Variants in RIMBP2 observed in about 807,000 individuals in gnomAD.
The protein encoded by RIMBP2 is RIMS binding protein 2.
A neutral mutation model predicts 118.6 loss-of-function variants in RIMBP2; 48 were observed. That is an observed-to-expected ratio of 0.40 (90% confidence interval 0.32 to 0.51). RIMBP2 has a LOEUF of 0.51. Among genes scored for constraint, RIMBP2 ranks in the 20% least tolerant of loss-of-function variants. The pLI, the probability that RIMBP2 is intolerant of heterozygous loss-of-function variation, is 0.41. For missense variants in RIMBP2, 1,551 were observed against 1,768.3 expected (o/e 0.88, Z 2.20); for synonymous variants, 762 against 742.9 (o/e 1.03, Z -0.42).
intron 4 of RIMBP2, 126 bp from the exon 5 acceptor site, chr12:130,479,142 C>T: frequency 1.6e-6 from 1 of 615,888 alleles, no homozygotes; most frequent in South Asian, 2.7e-5. Flanking sequence ...CACCGCCCCA[C>T]AGGGCACCCA....
At chr12:130,483,367 C>A (rs376127145) in intron 4 of RIMBP2, among the ~76,000 whole-genome samples, 1 of 152,152 alleles carries the variant, frequency 6.6e-6, no homozygotes, top group Non-Finnish European at 1.5e-5. Flanking sequence ...TCCACAAATG[C>A]ACGCACCTAC....
chr12:130,688,843 C>T lies in RIMBP2; in HGVS notation c.-352+27379G>A, dbSNP rs1275913878. ...TGAAACGTTTCGAACCAAGTCTAAA[C>T]TCTGCAAAACGCTGGCTGAAACGTG... On this transcript the variant is annotated intron_variant, in intron 1 of 22. Coordinates refer to ENST00000690449, the MANE Select transcript of RIMBP2 (RefSeq NM_001393629.1). This position sits in a 1 kb window ranked among gnomAD's most constrained non-coding sequence, Gnocchi z 4.7. Among the ~76,000 whole-genome samples the T allele has an allele frequency of 6.6e-6, 1 of 152,272 alleles. No homozygotes were observed.
intron 1 of RIMBP2, among the ~76,000 whole-genome samples, chr12:130,697,246 G>A (rs2065620237): frequency 6.6e-6 from 1 of 152,232 alleles, no homozygotes; most frequent in Admixed American, 6.5e-5. Context: ...ATGTGGCCAG[G>A]TGCAGAGGCT....
intron 6 of RIMBP2, among the ~76,000 whole-genome samples, chr12:130,467,914 C>G (rs1470226147): frequency 6.6e-6 from 1 of 152,198 alleles, no homozygotes; most frequent in Non-Finnish European, 1.5e-5. Context: ...TCTCAGACAC[C>G]TTTGGTTCTC....
intron 2 of RIMBP2, among the ~76,000 whole-genome samples, chr12:130,522,410 G>A (rs1206811605): frequency 2.0e-5 from 3 of 152,188 alleles, no homozygotes; most frequent in Non-Finnish European, 1.5e-5. Flanking sequence ...GGGCAGCTGC[G>A]ACCCTGTCCC....
Position 130,428,220 on chromosome 12 carries a change from C to G in RIMBP2, c.2371G>C (p.Gly791Arg). The G allele has an allele frequency of 3.1e-6, 5 of 1,613,266 alleles. No individual in the cohort carries two copies. Among genetic ancestry groups the G allele is most frequent in the East Asian group, 2.2e-5 (1 of 44,806 alleles). Residue 791 changes from glycine (G) to arginine (R), a missense_variant, in exon 15 of 23, where the codon GGA (glycine) becomes CGA (arginine). By Grantham distance (125) the Gly-to-Arg change is moderately radical. Transcript: ENST00000690449. ...GACGTGCCGCTGGGCCGCCTCCTTCCCCCATCTTCCAGCTGCATTTCAGAA... is the reference window on the plus strand; with the variant it reads ...GACGTGCCGCTGGGCCGCCTCCTTCGCCCATCTTCCAGCTGCATTTCAGAA... ...LYSEMQLEDG[G>R]RRRPSGTSHN...
At chr12:130,574,913 A>C (rs1235694591) in intron 2 of RIMBP2, among the ~76,000 whole-genome samples, 2 of 151,942 alleles carry the variant, frequency 1.3e-5, no homozygotes, top group Admixed American at 6.5e-5. Flanking sequence ...CGTTGTGAGC[A>C]GAAGACCTGA....
chr12:130,702,995 G>A (rs1267607460), intron 1 of RIMBP2, among the ~76,000 whole-genome samples: 1 of 152,164 alleles, frequency 6.6e-6, no homozygotes, highest in African/African-American at 2.4e-5. Context: ...CAATGAGACT[G>A]TGATTTCCAG....
rs992828470 is a variant in RIMBP2, at chr12:130,632,602, C to T, written c.-351-4146G>A. On this transcript the variant is annotated intron_variant, in intron 1 of 22. Transcript: ENST00000690449. ...GGGCCCCTCCTGTCCTCGGCTCGGC[C>T]TACTCCATCGTTAAAGAGGCTAAGG... is the stretch of plus-strand genomic sequence containing the variant. Among the ~76,000 whole-genome samples the T allele has an allele frequency of 3.9e-5, 6 of 152,162 alleles. No individual in the cohort carries two copies. In the South Asian group the frequency reaches 1.2e-3, roughly 32 times the overall value.
Position 130,506,649 on chromosome 12 carries a change from T to G in RIMBP2, c.-5A>C. The G allele has an allele frequency of 1.0e-6, 1 of 985,720 alleles. No homozygotes were observed. Among genetic ancestry groups the G allele is most frequent in the Non-Finnish European group, 1.2e-6 (1 of 829,928 alleles). 61.1% of individuals were successfully genotyped at this position (985,720 alleles called of 1,614,324 possible). A position where few individuals can be genotyped will look rare whatever the true frequency, so the allele number is the denominator to read the frequency against. ...CCCAAATGCAGAAAGCCAGCTTACC[T>G]TCAGGACCTGTTCTAGGTTCTCCAG... is the stretch of plus-strand genomic sequence containing the variant. On this transcript the variant is annotated splice_region_variant and 5_prime_UTR_variant, in exon 4 of 23. Transcript: ENST00000690449.
intron 2 of RIMBP2, among the ~76,000 whole-genome samples, chr12:130,526,304 C>T (rs1004962753): frequency 5.9e-5 from 9 of 152,172 alleles, no homozygotes; most frequent in Non-Finnish European, 1.3e-4. Context: ...CCTGAAGAAT[C>T]ACCGTATTGA....
At chr12:130,651,637 A>G (rs1760026073) in intron 1 of RIMBP2, among the ~76,000 whole-genome samples, 1 of 152,250 alleles carries the variant, frequency 6.6e-6, no homozygotes, top group Non-Finnish European at 1.5e-5. Flanking sequence ...GGATCTGGAA[A>G]CACCCTTCGA....
intron 1 of RIMBP2, among the ~76,000 whole-genome samples, chr12:130,677,734 G>A (rs966846930): frequency 6.6e-6 from 1 of 152,178 alleles, no homozygotes; most frequent in Non-Finnish European, 1.5e-5. Flanking sequence ...GTCCATCAGG[G>A]CCCCACTAGG....
intron 1 of RIMBP2, among the ~76,000 whole-genome samples, chr12:130,650,391 TC>T (rs2063181280): frequency 1.3e-5 from 2 of 152,370 alleles, no homozygotes; most frequent in African/African-American, 4.8e-5. Flanking sequence ...TGTGTGCTCT[TC>T]CTACTCCAGC....
intron 6 of RIMBP2, chr12:130,466,139 C>G (rs11060907): frequency 0.021 from 3,169 of 152,306 alleles, 93 homozygotes; most frequent in East Asian, 0.16. Flanking sequence ...TCTCAGGACA[C>G]GGCCCAGCAC....
rs924828603 is a variant in RIMBP2 at position 130,447,469 on chromosome 12, G to A, written c.582-2200C>T. ...GAGACAGAAGTAGGTCAGGGGTCAC[G>A]CAGCGCTGGAGGCGGGGGAGGAGGG... On this transcript the variant is annotated intron_variant, in intron 9 of 22. Transcript: ENST00000690449. The surrounding 1 kb of genome is among the most constrained non-coding windows in gnomAD (Gnocchi z 4.4). Among the ~76,000 whole-genome samples the A allele has an allele frequency of 6.6e-6, 1 of 152,132 alleles. No homozygotes were observed. The highest frequency in any genetic ancestry group is 1.5e-5 in the Non-Finnish European group (1 of 68,026).
In RIMBP2 at chr12:130,424,864, G is replaced by A. The variant is rs540367474; in HGVS notation, c.2413-6C>T. 2.2e-4 allele frequency: 271 copies of A among 1,230,912 alleles called. No individual in the cohort carries two copies. Among genetic ancestry groups the A allele is most frequent in the African/African-American group, 2.1e-3 (134 of 64,514 alleles). The allele number at this position is 1,230,912 out of a possible 1,614,324, so 76.2% of individuals were successfully genotyped here. A position where few individuals can be genotyped will look rare whatever the true frequency, so the allele number is the denominator to read the frequency against. On this transcript the variant is annotated splice_region_variant and splice_polypyrimidine_tract_variant and intron_variant, in intron 15 of 22. Coordinates refer to ENST00000690449, the MANE Select transcript of RIMBP2 (RefSeq NM_001393629.1). The surrounding 1 kb of genome is among the most constrained non-coding windows in gnomAD (Gnocchi z 9.8). ...GTCCTATGGTCAGTGCAGTCCTTAC[G>A]GGGTGGTGTGTCAAGAACAGGCGCG...
chr12:130,601,937 C>G (rs2059903227), intron 2 of RIMBP2, among the ~76,000 whole-genome samples: 1 of 152,206 alleles, frequency 6.6e-6, no homozygotes, highest in Non-Finnish European at 1.5e-5. Context: ...AATAAAGGGA[C>G]AGCTCCTTAT....
chr12:130,650,844 C>T (rs1425222175), intron 1 of RIMBP2, among the ~76,000 whole-genome samples: 1 of 151,520 alleles, frequency 6.6e-6, no homozygotes, highest in African/African-American at 2.4e-5. Flanking sequence ...TAGGCCTATG[C>T]CCTAAAAGAA....
Sources: allele counts gnomAD v4.1 joint callset (sites outside exome capture counted in the v4.1 genomes callset), GRCh38; gene constraint gnomAD v4.1.1; non-coding constraint Gnocchi (gnomAD v3.1); transcripts MANE v1.5; gene names NCBI Gene and HGNC (gene_info 2026-07-23, HGNC 2026-07-21).